Variants in NEK7 observed in about 807,000 individuals in gnomAD.
The protein encoded by NEK7 is serine/threonine-protein kinase Nek7.
In NEK7, 18 loss-of-function variants were observed where a neutral mutation model predicts 44.6. The observed-to-expected ratio is 0.40, with a 90% confidence interval of 0.28 to 0.60. The LOEUF (loss-of-function observed/expected upper bound fraction) is 0.60, where lower values mean the gene tolerates loss of function less well. Ranked by LOEUF, NEK7 falls within the 20% of genes least tolerant of loss-of-function variation. The pLI is 0.38. For synonymous variants in NEK7, 130 were observed against 121.1 expected (o/e 1.07, Z -0.48); for missense variants, 256 against 366.5 (o/e 0.70, Z 2.46).
intron 1 of NEK7, among the ~76,000 whole-genome samples, chr1:198,227,071 A>C (rs1350544157): frequency 1.3e-5 from 2 of 150,436 alleles, no homozygotes; most frequent in Admixed American, 1.3e-4. Flanking sequence ...TCCTGTGTCC[A>C]TGTGTTCTCA....
At chr1:198,168,217 A>G (rs1011150038) in intron 1 of NEK7, among the ~76,000 whole-genome samples, 4 of 152,198 alleles carry the variant, frequency 2.6e-5, no homozygotes, top group Admixed American at 2.6e-4. Context: ...AATGTAATAT[A>G]TATGGAACTC....
intron 1 of NEK7, among the ~76,000 whole-genome samples, chr1:198,178,998 C>T (rs904615757): frequency 9.9e-5 from 15 of 150,870 alleles, no homozygotes; most frequent in Non-Finnish European, 1.8e-4. Flanking sequence ...ATACCCCCCC[C>T]CTTTTTTTTT....
chr1:198,218,609 T>G (rs10801653), intron 1 of NEK7, among the ~76,000 whole-genome samples: 51,029 of 150,928 alleles, frequency 0.34, 9,810 homozygotes, highest in East Asian at 0.8. Context: ...CACAGCAAAA[T>G]AAATAATCAT....
chr1:198,265,843 T>C (rs1205327233), intron 5 of NEK7, among the ~76,000 whole-genome samples: 1 of 152,230 alleles, frequency 6.6e-6, no homozygotes, highest in East Asian at 1.9e-4. Context: ...TTTAAATAGA[T>C]GGATGGATAT....
chr1:198,205,772 C>T (rs1665578588), intron 1 of NEK7, among the ~76,000 whole-genome samples: 1 of 151,476 alleles, frequency 6.6e-6, no homozygotes, highest in Non-Finnish European at 1.5e-5. Flanking sequence ...TTATTAGGTT[C>T]ACAAAACTAC....
intron 5 of NEK7, among the ~76,000 whole-genome samples, chr1:198,266,228 C>T (rs1223936239): frequency 6.6e-6 from 1 of 152,074 alleles, no homozygotes; most frequent in Non-Finnish European, 1.5e-5. Flanking sequence ...ACAACTATAT[C>T]TATACATACT....
intron 3 of NEK7, among the ~76,000 whole-genome samples, chr1:198,261,378 C>T (rs1558083985): frequency 6.6e-6 from 1 of 151,934 alleles, no homozygotes; most frequent in African/African-American, 2.4e-5. Flanking sequence ...GAGCCTCAAT[C>T]CTCATCTTGT....
intron 1 of NEK7, among the ~76,000 whole-genome samples, chr1:198,193,964 C>A (rs1665151776): frequency 6.6e-6 from 1 of 152,088 alleles, no homozygotes; most frequent in Non-Finnish European, 1.5e-5. Context: ...GAAATTCTGG[C>A]CAGGGCAATC....
At chr1:198,159,729 A>G (rs3762382) in intron 1 of NEK7, among the ~76,000 whole-genome samples, 22,646 of 152,082 alleles carry the variant, frequency 0.15, 1,864 homozygotes, top group East Asian at 0.22. Flanking sequence ...TTTCGAGTTC[A>G]TTTCCATCCC....
intron 1 of NEK7, among the ~76,000 whole-genome samples, chr1:198,228,621 T>C (rs997954690): frequency 1.3e-5 from 2 of 152,190 alleles, no homozygotes; most frequent in Non-Finnish European, 2.9e-5. Flanking sequence ...TTTTATTCTC[T>C]TTGAAGCAAT....
intron 1 of NEK7, among the ~76,000 whole-genome samples, chr1:198,185,403 A>T (rs963585931): frequency 6.6e-6 from 1 of 151,774 alleles, no homozygotes; most frequent in East Asian, 1.9e-4. Context: ...ATATATATAT[A>T]TTTTTAACTT....
chr1:198,264,037 G>T (rs1653568119), intron 4 of NEK7, 88 bp from the exon 5 acceptor site: 1 of 1,332,844 alleles, frequency 7.5e-7, no homozygotes, highest in Non-Finnish European at 9.9e-7. Flanking sequence ...AAAAAATACG[G>T]TGAAGTTTGT....
chr1:198,176,391 T>C (rs1664605274), intron 1 of NEK7, among the ~76,000 whole-genome samples: 1 of 152,186 alleles, frequency 6.6e-6, no homozygotes, highest in Admixed American at 6.5e-5. Context: ...TATGATGCCA[T>C]TGTCTGTGTC....
chr1:198,172,943 G>C (rs531672936), intron 1 of NEK7, among the ~76,000 whole-genome samples: 4 of 152,304 alleles, frequency 2.6e-5, no homozygotes, highest in African/African-American at 9.6e-5. Context: ...CATCTGTGAT[G>C]CTGAATTTGG....
rs561105174 is a variant in NEK7, at chr1:198,275,930, G to A, written c.373-2031G>A. Among the ~76,000 whole-genome samples, 119 of 151,636 alleles carry A rather than the reference G, an allele frequency of 7.8e-4. No homozygotes were observed. In the Middle Eastern group the frequency reaches 0.01, roughly 13 times the overall value. ...AACACACACATTAAAAATAATGAGAGATACTAATGGCATAATGAAACTGCC... is the reference window on the plus strand; with the variant it reads ...AACACACACATTAAAAATAATGAGAAATACTAATGGCATAATGAAACTGCC... On this transcript the variant is annotated intron_variant, in intron 5 of 9. Transcript: ENST00000367385.
intron 9 of NEK7, among the ~76,000 whole-genome samples, chr1:198,298,920 A>C (rs1402476613): frequency 1.3e-5 from 2 of 152,252 alleles, no homozygotes; most frequent in Non-Finnish European, 1.5e-5. Context: ...GCCTGCCTGC[A>C]GGGCTACTTC....
chr1:198,237,894 A>C (rs966198831), intron 2 of NEK7, among the ~76,000 whole-genome samples: 1 of 152,174 alleles, frequency 6.6e-6, no homozygotes, highest in Non-Finnish European at 1.5e-5. Flanking sequence ...TCTCCATAGA[A>C]TGTATCACCT....
chr1:198,159,971 T>TA (rs1476084794), intron 1 of NEK7, among the ~76,000 whole-genome samples: 2 of 152,216 alleles, frequency 1.3e-5, no homozygotes, highest in Non-Finnish European at 2.9e-5. Flanking sequence ...TTGCAGTTGA[T>TA]AGTTTTGGGC....
rs1380210450 is a variant in NEK7, at chr1:198,157,032, C to T, written c.-273C>T. ...ACAGCGGCGGCAGCAGGAGGAGGAT[C>T]GGGAGTCGCGGGAGGATGGGCCGCC... On this transcript the variant is annotated 5_prime_UTR_variant, in exon 1 of 10. Transcript: ENST00000367385. 1.3e-5 allele frequency: 2 copies of T among 151,968 alleles called. No individual in the cohort carries two copies. Among genetic ancestry groups the T allele is most frequent in the African/African-American group, 4.8e-5 (2 of 41,388 alleles). The allele number at this position is 151,968 out of a possible 1,614,324, so 9.4% of individuals were successfully genotyped here.
Sources: allele counts gnomAD v4.1 joint callset (sites outside exome capture counted in the v4.1 genomes callset), GRCh38; gene constraint gnomAD v4.1.1; transcripts MANE v1.5; gene names NCBI Gene and HGNC (gene_info 2026-07-23, HGNC 2026-07-21).